HELLS: variants seen among roughly 807,000 people sequenced by gnomAD.
HELLS encodes helicase, lymphoid specific, also known as lymphoid-specific helicase.
A neutral mutation model predicts 120.0 loss-of-function variants in HELLS; 32 were observed. The ratio of observed to expected loss-of-function variants is 0.27; its 90% CI spans 0.20 to 0.36. HELLS has a LOEUF of 0.36. HELLS is among the 10% of genes least tolerant of loss of function. The probability of loss-of-function intolerance (pLI) is 1.00; values close to 1 mark genes in which losing one functional copy is unlikely to be tolerated. For missense variants in HELLS, 650 were observed against 993.4 expected (o/e 0.65, Z 4.65); for synonymous variants, 341 against 323.4 (o/e 1.05, Z -0.58).
intron 18 of HELLS, 70 bp from the exon 19 acceptor site, chr10:94,594,625 T>C: frequency 8.4e-7 from 1 of 1,186,418 alleles, no homozygotes; most frequent in Admixed American, 2.3e-5. Flanking sequence ...TCATGTTGAC[T>C]TTATCCACAT....
intron 3 of HELLS, 67 bp downstream of exon 3, chr10:94,554,315 A>G (rs1843132850): frequency 1.7e-6 from 2 of 1,169,198 alleles, no homozygotes; most frequent in South Asian, 1.7e-5. Context: ...ATTGAAGTGT[A>G]TATTATATAC....
intron 12 of HELLS, among the ~76,000 whole-genome samples, chr10:94,584,316 T>G (rs1216145438): frequency 6.6e-6 from 1 of 152,100 alleles, no homozygotes; most frequent in African/African-American, 2.4e-5. Context: ...CCCCTCACTT[T>G]TTGGGATAAA....
chr10:94,557,231 C>A, intron 3 of HELLS: 2 of 387,052 alleles, frequency 5.2e-6, no homozygotes, highest in Admixed American at 2.9e-5. Context: ...CAGTAAGTCC[C>A]GGTGTCCCCA....
chr10:94,556,170 G>C (rs1843252208), intron 3 of HELLS, among the ~76,000 whole-genome samples: 1 of 152,146 alleles, frequency 6.6e-6, no homozygotes, highest in African/African-American at 2.4e-5. Flanking sequence ...GATAGTGTCA[G>C]AATTGAATTA....
At chr10:94,609,180 C>T (rs1025097026) in intron 9 of HELLS, among the ~76,000 whole-genome samples, 11 of 152,088 alleles carry the variant, frequency 7.2e-5, no homozygotes, top group African/African-American at 1.4e-4. Flanking sequence ...TGTGCCACCA[C>T]GCCCGGCGAG....
At chr10:94,571,144 G>GA (rs1490732564) in intron 6 of HELLS, 5 of 313,834 alleles carry the variant, frequency 1.6e-5, no homozygotes, top group Non-Finnish European at 2.9e-5. Context: ...AGAAAAGCTG[G>GA]AAAATCACTG....
rs568736598 is a variant in HELLS at position 94,598,424 on chromosome 10, A to G, written c.2422+1313A>G. 3.3e-5 allele frequency among the ~76,000 whole-genome samples: 5 copies of G among 152,240 alleles called. No homozygotes were observed. The South Asian group carries it at 8.3e-4, about 25-fold the overall frequency. ...TCCTCCAGCCTCAGCCTTTGGAGTAAGCTGGGATTATAGGCATGAGCCATT... is the reference window on the plus strand; with the variant it reads ...TCCTCCAGCCTCAGCCTTTGGAGTAGGCTGGGATTATAGGCATGAGCCATT... On this transcript the variant is annotated intron_variant, in intron 21 of 21. Coordinates refer to ENST00000348459, the MANE Select transcript of HELLS (RefSeq NM_018063.5).
chr10:94,592,431 A>G lies in HELLS; in HGVS notation c.1888A>G (p.Ile630Val). The G allele has an allele frequency of 6.3e-7, 1 of 1,589,538 alleles. No homozygotes were observed. Among genetic ancestry groups the G allele is most frequent in the South Asian group, 1.2e-5 (1 of 85,720 alleles). ...TTCACAAATGACAAGCATGTTGGAC[A>G]TTTTGATGGATTACTGCCATCTCAG... ...LFSQMTSMLD[I>V]LMDYCHLRDF... The change falls in exon 17 of 22, where the codon ATT becomes GTT. Residue 630 changes from isoleucine (I) to valine (V), a missense_variant. Ile to Val is a conservative substitution (Grantham distance 29). This residue lies in a region of HELLS where 191 missense variants were observed against 259.7 expected (regional missense o/e 0.74). Transcript: ENST00000348459.
rs1844781138 is a variant in HELLS, at chr10:94,580,156, T to TATATATA, written c.1033-1169_1033-1163dup. Among the ~76,000 whole-genome samples the TATATATA allele has an allele frequency of 1.6e-4, 8 of 49,204 alleles. 1 individual carries two copies. The highest frequency in any genetic ancestry group is 9.4e-4 in the African/African-American group (8 of 8,480). The allele number at this position is 49,204 out of a possible 152,430, so 32.3% of individuals were successfully genotyped here. ...ATATATATATATATATATATATATA[T>TATATATA]ATATATACACACACACACACACACA... is the stretch of plus-strand genomic sequence containing the variant. On this transcript the variant is annotated intron_variant, in intron 10 of 21. Coordinates refer to ENST00000348459, the MANE Select transcript of HELLS (RefSeq NM_018063.5).
chr10:94,601,443 C>T (rs1202149648), intron 21 of HELLS, 85 bp from the exon 22 acceptor site: 4 of 756,818 alleles, frequency 5.3e-6, no homozygotes, highest in Non-Finnish European at 9.1e-6. Flanking sequence ...TGACTCACTT[C>T]TCATAACATC....
intron 2 of HELLS, among the ~76,000 whole-genome samples, chr10:94,552,979 G>A (rs941102712): frequency 6.6e-6 from 1 of 152,070 alleles, no homozygotes; most frequent in Admixed American, 6.6e-5. Flanking sequence ...CGGGGTGGGG[G>A]TGTTAATCTT....
chr10:94,546,271 C>G (rs1205269675), intron 1 of HELLS, 106 bp from the exon 2 acceptor site: 1 of 1,386,148 alleles, frequency 7.2e-7, no homozygotes, highest in Non-Finnish European at 1.0e-6. Context: ...CGGTCTTCAG[C>G]TTTTGCTCCA....
In HELLS at chr10:94,552,009, G is replaced by A. The variant is rs192281045; in HGVS notation, c.154-2117G>A. Among the ~76,000 whole-genome samples, 484 of 152,284 alleles carry A rather than the reference G, an allele frequency of 3.2e-3. 2 individuals are homozygous for A. Among genetic ancestry groups the A allele is most frequent in the African/African-American group, 0.011 (467 of 41,552 alleles). On this transcript the variant is annotated intron_variant, in intron 2 of 21. Transcript: ENST00000348459. ...CCGCCTCAGCCTCCCAAAGTGCTGG[G>A]ATTACAGGCGTGAGCCACCGCGCCC...
intron 12 of HELLS, among the ~76,000 whole-genome samples, chr10:94,586,012 A>T (rs1306421754): frequency 6.6e-6 from 1 of 152,158 alleles, no homozygotes; most frequent in Non-Finnish European, 1.5e-5. Flanking sequence ...CATATTTGCC[A>T]TTTCAGTTAA....
intron 13 of HELLS, among the ~76,000 whole-genome samples, chr10:94,589,939 G>A (rs1845392214): frequency 6.6e-6 from 1 of 151,822 alleles, no homozygotes; most frequent in Non-Finnish European, 1.5e-5. Context: ...TGCCCGCCTC[G>A]GCCTCCGAAA....
At chr10:94,578,173 G>A (rs112911696) in intron 10 of HELLS, among the ~76,000 whole-genome samples, 2 of 151,736 alleles carry the variant, frequency 1.3e-5, no homozygotes, top group African/African-American at 4.8e-5. Context: ...GGTGGAGGTT[G>A]CAGTGAGCTG....
At chr10:94,584,711 T>G (rs1407570246) in intron 12 of HELLS, among the ~76,000 whole-genome samples, 2 of 152,168 alleles carry the variant, frequency 1.3e-5, no homozygotes. Context: ...TGAACATTTG[T>G]AGTAATTGTC....
At chr10:94,604,211 G>A (rs982423432), downstream of HELLS, among the ~76,000 whole-genome samples, 4 of 148,884 alleles carry the variant, frequency 2.7e-5, no homozygotes, top group Non-Finnish European at 4.4e-5. Context: ...TGCAACATCT[G>A]CCCCCCGGGT....
chr10:94,610,391 C>G (rs1004110381), exon 10 of HELLS: 3 of 151,524 alleles, frequency 2.0e-5, no homozygotes, highest in African/African-American at 7.3e-5. Context: ...GATCGCGTCA[C>G]TGCACTCCAG....
Sources: gnomAD v4.1 joint callset for allele counts (sites outside exome capture counted in the v4.1 genomes callset) on GRCh38, gnomAD v4.1.1 for gene constraint, gnomAD v4.1.1 regional missense constraint, MANE v1.5 for transcripts, NCBI Gene and HGNC (gene_info 2026-07-23, HGNC 2026-07-21) for gene names.